The following FAT2 variants were observed in gnomAD, a reference collection of about 807,000 sequenced individuals.
FAT2 encodes FAT atypical cadherin 2.
A neutral mutation model predicts 295.3 loss-of-function variants in FAT2; 150 were observed. The ratio of observed to expected loss-of-function variants is 0.51; its 90% CI spans 0.44 to 0.58. FAT2 has a LOEUF of 0.58. Among genes scored for constraint, FAT2 ranks in the 20% least tolerant of loss-of-function variants. FAT2 has a pLI of 0.00. For synonymous variants in FAT2, 2,026 were observed against 2,150.3 expected, an observed-to-expected ratio of 0.94 and a Z score of 1.60; for missense variants, 4,868 against 5,442.7, an observed-to-expected ratio of 0.89 and a Z score of 3.32.
chr5:151,587,728 T>C (rs756643545), intron 1 of FAT2, among the ~76,000 whole-genome samples: 5 of 152,222 alleles, frequency 3.3e-5, no homozygotes, highest in Non-Finnish European at 5.9e-5. Flanking sequence ...ACATTATAAC[T>C]GCTCATTAAG....
chr5:151,511,813 G>T, intron 21 of FAT2: 1 of 229,480 alleles, frequency 4.4e-6, no homozygotes, highest in Admixed American at 5.0e-5. Flanking sequence ...CTAGTGTTAG[G>T]GAAGGGGAAG....
In FAT2 at chr5:151,520,557, C is replaced by G. The variant is rs563330974; in HGVS notation, c.11317+719G>C. Among the ~76,000 whole-genome samples the G allele has an allele frequency of 2.0e-5, 3 of 152,300 alleles. No homozygotes were observed. The East Asian group carries it at 5.8e-4, about 29-fold the overall frequency. Reference sequence around the variant, plus strand: ...ACTGCTACCACGGGAATGACAGTCACCGTTGATCTGGGGCTTATTGTGGGC... The same window carrying G: ...ACTGCTACCACGGGAATGACAGTCAGCGTTGATCTGGGGCTTATTGTGGGC... On this transcript the variant is annotated intron_variant, in intron 19 of 23. Transcript: ENST00000261800.
At position 151,545,433 on chromosome 5, in the gene FAT2, A is replaced by G; in HGVS notation, c.5694T>C (p.Asp1898=). The change falls in exon 10 of 24, where the codon GAT becomes GAC. Residue 1898 remains aspartate (D), a synonymous_variant. Coordinates refer to ENST00000261800, the MANE Select transcript of FAT2 (RefSeq NM_001447.3). ...TGCTATAATTGACTTCTGAGTCTTC[A>G]TCGCTGGCCCGCACCATGAGAAGCT... is the stretch of plus-strand genomic sequence containing the variant. ...GMELLMVRAS[D]EDSEVNYSIK... 1.2e-6 allele frequency: 2 copies of G among 1,614,182 alleles called. No homozygotes were observed. The highest frequency in any genetic ancestry group is 1.7e-6 in the Non-Finnish European group (2 of 1,180,030).
At chr5:151,591,341 GA>G (rs1385389988), upstream of FAT2, among the ~76,000 whole-genome samples, 1 of 151,950 alleles carries the variant, frequency 6.6e-6, no homozygotes, top group Non-Finnish European at 1.5e-5. Context: ...CCCAGCCCAG[GA>G]GGAGGAGGAG....
At chr5:151,535,595 A>G (rs1194330667) in intron 12 of FAT2, among the ~76,000 whole-genome samples, 2 of 152,188 alleles carry the variant, frequency 1.3e-5, no homozygotes, top group African/African-American at 2.4e-5. Context: ...TTTATAATAA[A>G]CCAGTAAACA....
chr5:151,568,754 T>C lies in FAT2; in HGVS notation c.178A>G (p.Ile60Val). The change falls in exon 2 of 24, where the codon ATC becomes GTC. Residue 60 changes from isoleucine to valine, a missense_variant. Coordinates refer to ENST00000261800, the MANE Select transcript of FAT2 (RefSeq NM_001447.3). ...TYVESFEKMG[I>V]YLAEPQWAVR... is the part of the protein sequence containing the mutation. ...GCCCACTGTGGCTCCGCGAGGTAGA[T>C]GCCCATTTTCTCGAAGCTCTCCACA... 6.2e-7 allele frequency: 1 copy of C among 1,614,200 alleles called. No individual in the cohort carries two copies. The highest frequency in any genetic ancestry group is 8.5e-7 in the Non-Finnish European group (1 of 1,180,048).
Position 151,549,310 on chromosome 5 carries a change from A to G in FAT2, c.4774T>C (p.Tyr1592His), listed in dbSNP as rs536196063. The G allele has an allele frequency of 6.2e-7, 1 of 1,613,114 alleles. No individual in the cohort carries two copies. Among genetic ancestry groups the G allele is most frequent in the Admixed American group, 1.7e-5 (1 of 60,004 alleles). The change falls in exon 9 of 24, where the codon TAC (tyrosine) becomes CAC (histidine). Residue 1592 changes from tyrosine to histidine, a missense_variant. This residue lies in a region of FAT2 where 3,297 missense variants were observed against 3,669.4 expected (regional missense o/e 0.90). Coordinates refer to ENST00000261800, the MANE Select transcript of FAT2 (RefSeq NM_001447.3). ...ADRGVNAEVHYSLLKGNSEGF... is the reference protein window; with the variant it reads ...ADRGVNAEVHHSLLKGNSEGF... ...GGCCTCTCACCTTTCAGGAGGGAGT[A>G]GTGGACCTCAGCATTGACTCCCCGG...
intron 20 of FAT2, among the ~76,000 whole-genome samples, chr5:151,515,431 C>T (rs1169326035): frequency 2.6e-5 from 4 of 152,182 alleles, no homozygotes; most frequent in Non-Finnish European, 5.9e-5. Flanking sequence ...TCTCCATCTC[C>T]AGCATAGACC....
In FAT2 at chr5:151,567,584, C is replaced by T. The variant is rs1395431746; in HGVS notation, c.1348G>A (p.Asp450Asn). The T allele has an allele frequency of 6.2e-7, 1 of 1,614,032 alleles. No individual in the cohort carries two copies. The highest frequency in any genetic ancestry group is 1.3e-5 in the African/African-American group (1 of 74,900). ...AAGAGGGGGGCATGGTTGTTGCAGTCCACAATGTCAATGACCACCACGGTG... is the reference window on the plus strand; with the variant it reads ...AAGAGGGGGGCATGGTTGTTGCAGTTCACAATGTCAATGACCACCACGGTG... ...ASTVVVIDIV[D>N]CNNHAPLFNR... is the part of the protein sequence containing the mutation. The change falls in exon 2 of 24, where the codon GAC (aspartate) becomes AAC (asparagine). Residue 450 changes from aspartate (D) to asparagine (N), a missense_variant. By Grantham distance (23) the Asp-to-Asn change is conservative. Coordinates refer to ENST00000261800, the MANE Select transcript of FAT2 (RefSeq NM_001447.3).
At position 151,568,968 on chromosome 5, in the gene FAT2, A is replaced by T. The variant is rs1296368319; in HGVS notation, c.-20-17T>A. On this transcript the variant is annotated splice_polypyrimidine_tract_variant and intron_variant, in intron 1 of 23. Coordinates refer to ENST00000261800, the MANE Select transcript of FAT2 (RefSeq NM_001447.3). ...CCCGAAACCCTGGGCAGAAAATAAA[A>T]GACAGGGTGCAAGTTAGGGGGAAAA... 6.4e-7 allele frequency: 1 copy of T among 1,555,484 alleles called. No individual in the cohort carries two copies. Among genetic ancestry groups the T allele is most frequent in the Admixed American group, 2.0e-5 (1 of 50,476 alleles).
intron 18 of FAT2, among the ~76,000 whole-genome samples, chr5:151,525,313 C>T (rs956667599): frequency 2.0e-5 from 3 of 152,236 alleles, no homozygotes; most frequent in Non-Finnish European, 4.4e-5. Flanking sequence ...CCCCTACACA[C>T]ATGTGCATAC....
chr5:151,505,584 C>G lies in FAT2; in HGVS notation c.13031G>C (p.Cys4344Ser). ...GGGAAGCTAGAACATGACCTCCTCA[C>G]AGCTGCCATAATCACTCTCCACCAT... ...SDMVESDYGS[C>S]EEVMF Residue 4344 changes from cysteine (C) to serine (S), a missense_variant, in exon 24 of 24, where the codon TGT becomes TCT. By Grantham distance (112) the Cys-to-Ser change is moderately radical (BLOSUM62 -1). This residue lies in a region of FAT2 where 492 missense variants were observed against 482.6 expected (regional missense o/e 1.02). Coordinates refer to ENST00000261800, the MANE Select transcript of FAT2 (RefSeq NM_001447.3). 6.2e-7 allele frequency: 1 copy of G among 1,614,158 alleles called. No homozygotes were observed. The highest frequency in any genetic ancestry group is 1.1e-5 in the South Asian group (1 of 91,088).
chr5:151,521,311 G>A lies in FAT2; in HGVS notation c.11282C>T (p.Pro3761Leu), dbSNP rs778605213. The A allele has an allele frequency of 7.4e-6, 12 of 1,612,066 alleles. No individual in the cohort carries two copies. The highest frequency in any genetic ancestry group is 6.7e-5 in the Admixed American group (4 of 59,980). ...YSTARLSILT[P>L]RHHLQRSCSC... Reference sequence around the variant, plus strand: ...GCAGCTCCTCTGCAGGTGGTGCCGCGGGGTTAGGATGCTGAGCCTGGCGGT... The same window carrying A: ...GCAGCTCCTCTGCAGGTGGTGCCGCAGGGTTAGGATGCTGAGCCTGGCGGT... The change falls in exon 19 of 24, where the codon CCG (proline) becomes CTG (leucine). Residue 3761 changes from proline (P) to leucine (L), a missense_variant. Physicochemically the swap from Pro to Leu is moderately conservative, Grantham distance 98. This residue lies in a region of FAT2 where 1,046 missense variants were observed against 1,210.1 expected (regional missense o/e 0.86). Coordinates refer to ENST00000261800, the MANE Select transcript of FAT2 (RefSeq NM_001447.3).
chr5:151,528,202 C>T (rs1754223175), intron 15 of FAT2, 69 bp from the exon 16 acceptor site: 1 of 1,570,030 alleles, frequency 6.4e-7, no homozygotes, highest in Non-Finnish European at 8.7e-7. Flanking sequence ...CAGGGGGAAA[C>T]AGATATGTCC....
intron 18 of FAT2, among the ~76,000 whole-genome samples, chr5:151,524,137 G>A (rs560343168): frequency 1.3e-5 from 2 of 152,114 alleles, no homozygotes; most frequent in East Asian, 3.9e-4. Context: ...AGCTTCCTGA[G>A]ACACAAAGAG....
chr5:151,534,965 A>T (rs958083111), intron 12 of FAT2, among the ~76,000 whole-genome samples: 1 of 107,106 alleles, frequency 9.3e-6, no homozygotes, highest in African/African-American at 3.6e-5. Context: ...TTCCACTTCT[A>T]GGAAAATATA....
chr5:151,551,157 G>C (rs116276947), intron 7 of FAT2, among the ~76,000 whole-genome samples: 1 of 152,202 alleles, frequency 6.6e-6, no homozygotes, highest in Non-Finnish European at 1.5e-5. Flanking sequence ...ACTGGCTGAA[G>C]CTAGAATAGA....
At position 151,531,574 on chromosome 5, in the gene FAT2, A is replaced by G. The variant is rs1754608699; in HGVS notation, c.9811+13T>C. The G allele has an allele frequency of 6.2e-7, 1 of 1,611,724 alleles. No individual in the cohort carries two copies. Among genetic ancestry groups the G allele is most frequent in the Non-Finnish European group, 8.5e-7 (1 of 1,179,804 alleles). ...TACGCGATGCTTTGGGGCTTGGTGGATCAGGCTCTCACCTGTGCGAGCATC... is the reference window on the plus strand; with the variant it reads ...TACGCGATGCTTTGGGGCTTGGTGGGTCAGGCTCTCACCTGTGCGAGCATC... On this transcript the variant is annotated intron_variant, in intron 14 of 23. Coordinates refer to ENST00000261800, the MANE Select transcript of FAT2 (RefSeq NM_001447.3). This position sits in a 1 kb window ranked among gnomAD's most constrained non-coding sequence, Gnocchi z 5.7.
Position 151,566,519 on chromosome 5 carries a change from G to A in FAT2, c.2413C>T (p.Leu805=), listed in dbSNP as rs1758274855. ...LGTPQKSSWK[L]LTVNVKDWND... ...CAGTCTTTCACATTCACTGTCAGCA[G>A]CTTCCAGGAGGACTTCTGGGGTGTG... The change falls in exon 2 of 24, where the codon CTG becomes TTG. Residue 805 remains leucine, a synonymous_variant. Coordinates refer to ENST00000261800, the MANE Select transcript of FAT2 (RefSeq NM_001447.3). 1 of 1,613,966 alleles carries A rather than the reference G, an allele frequency of 6.2e-7. No individual in the cohort carries two copies. Among genetic ancestry groups the A allele is most frequent in the Non-Finnish European group, 8.5e-7 (1 of 1,180,022 alleles).
Sources: gnomAD v4.1 joint callset for allele counts (sites outside exome capture counted in the v4.1 genomes callset) on GRCh38, gnomAD v4.1.1 for gene constraint, gnomAD v4.1.1 regional missense constraint, Gnocchi (gnomAD v3.1) non-coding constraint, MANE v1.5 for transcripts, NCBI Gene and HGNC (gene_info 2026-07-23, HGNC 2026-07-21) for gene names.